ADRB3: variants seen among roughly 807,000 people sequenced by gnomAD.
The protein encoded by ADRB3 is adrenoceptor beta 3, also known as beta-3 adrenergic receptor.
ADRB3 carries 33 observed loss-of-function variants against 23.8 expected under a neutral mutation model. The observed-to-expected ratio is 1.38, with a 90% CI of 1.05 to 1.85. The LOEUF (loss-of-function observed/expected upper bound fraction) is 1.85, where lower values mean the gene tolerates loss of function less well. Ranked by LOEUF, ADRB3 falls within the 40% of genes most tolerant of loss-of-function variation. The pLI, the probability that ADRB3 is intolerant of heterozygous loss-of-function variation, is 0.00. For missense variants in ADRB3, 600 were observed against 579.6 expected, an observed-to-expected ratio of 1.04 and a Z score of -0.36; for synonymous variants, 289 against 273.0, an observed-to-expected ratio of 1.06 and a Z score of -0.58.
intron 1 of ADRB3, 148 bp downstream of exon 1, chr8:37,965,117 T>G: frequency 1.3e-6 from 1 of 784,946 alleles, no homozygotes; most frequent in Non-Finnish European, 1.9e-6. Flanking sequence ...TGGGTCCCAT[T>G]TTGGTTCGCT....
chr8:37,965,515 C>A lies in ADRB3; in HGVS notation c.955G>T (p.Gly319Cys), dbSNP rs1229072259. The A allele has an allele frequency of 6.4e-7, 1 of 1,551,708 alleles. No individual in the cohort carries two copies. The highest frequency in any genetic ancestry group is 8.7e-7 in the Non-Finnish European group (1 of 1,147,318). ...GCCGGGCCCGGGACTAGAGAGGGGC[C>A]CCCCAGGGCGCGCAGCACGTTGGCC... ...FLANVLRALG[G>C]PSLVPGPAFL... Residue 319 changes from glycine to cysteine, a missense_variant, in exon 1 of 2, where the codon GGC (glycine) becomes TGC (cysteine). Physicochemically the swap from Gly to Cys is radical, Grantham distance 159. Coordinates refer to ENST00000345060, the MANE Select transcript of ADRB3 (RefSeq NM_000025.3).
chr8:37,966,503 G>A lies in ADRB3; in HGVS notation c.-34C>T, dbSNP rs199627519. ...CGCGCGTGGGGCGGTAGGGAAAGAA[G>A]GAAGGAGGGGGTCTCCCAAATCACC... On this transcript the variant is annotated 5_prime_UTR_variant, in exon 1 of 2. Transcript: ENST00000345060. 32 of 1,544,786 alleles carry A rather than the reference G, an allele frequency of 2.1e-5. 1 individual carries two copies. The highest frequency in any genetic ancestry group is 2.8e-5 in the Non-Finnish European group (32 of 1,151,012).
At position 37,964,127 on chromosome 8, in the gene ADRB3, C is replaced by G; in HGVS notation, c.*91G>C. On this transcript the variant is annotated 3_prime_UTR_variant, in exon 2 of 2. Coordinates refer to ENST00000345060, the MANE Select transcript of ADRB3 (RefSeq NM_000025.3). ...GGTTCTGGAGGGTAGAGTGTCACAGCCGGGGAATCCCATGGGACTCATTCT... is the reference window on the plus strand; with the variant it reads ...GGTTCTGGAGGGTAGAGTGTCACAGGCGGGGAATCCCATGGGACTCATTCT... The G allele has an allele frequency of 1.7e-6, 2 of 1,166,846 alleles. No individual in the cohort carries two copies. The highest frequency in any genetic ancestry group is 2.6e-6 in the Non-Finnish European group (2 of 783,334). The allele number at this position is 1,166,846 out of a possible 1,614,324, so 72.3% of individuals were successfully genotyped here. A position where few individuals can be genotyped will look rare whatever the true frequency, so the allele number is the denominator to read the frequency against.
In ADRB3 at chr8:37,966,147, G is replaced by C. The variant is rs1244043280; in HGVS notation, c.323C>G (p.Thr108Ser). 1.9e-6 allele frequency: 3 copies of C among 1,610,830 alleles called. No homozygotes were observed. Among genetic ancestry groups the C allele is most frequent in the Non-Finnish European group, 2.5e-6 (3 of 1,178,858 alleles). Residue 108 changes from threonine to serine, a missense_variant, in exon 1 of 2, where the codon ACT (threonine) becomes AGT (serine). By Grantham distance (58) the Thr-to-Ser change is moderately conservative. Transcript: ENST00000345060. ...ALTGHWPLGA[T>S]GCELWTSVDV... Reference sequence around the variant, plus strand: ...CACCGAGGTCCACAGCTCGCAGCCAGTGGCGCCCAACGGCCAGTGGCCAGT... The same window carrying C: ...CACCGAGGTCCACAGCTCGCAGCCACTGGCGCCCAACGGCCAGTGGCCAGT...
Position 37,965,728 on chromosome 8 carries a change from C to G in ADRB3, c.742G>C (p.Glu248Gln), listed in dbSNP as rs72549191. Residue 248 changes from glutamate to glutamine, a missense_variant, in exon 1 of 2, where the codon GAG (glutamate) becomes CAG (glutamine). Coordinates refer to ENST00000345060, the MANE Select transcript of ADRB3 (RefSeq NM_000025.3). ...CGCGACGGCGCCGGCGGAGACTCCT[C>G]GGGCGGAAAGCGGCCCAGCTCCCCG... ...LRGELGRFPP[E>Q]ESPPAPSRSL... 9.0e-5 allele frequency: 140 copies of G among 1,549,418 alleles called. 1 individual carries two copies. The South Asian group carries it at 1.6e-3, about 18-fold the overall frequency.
In ADRB3 at chr8:37,964,147, C is replaced by T; in HGVS notation, c.*71G>A. 1 of 1,361,890 alleles carries T rather than the reference C, an allele frequency of 7.3e-7. No individual in the cohort carries two copies. Among genetic ancestry groups the T allele is most frequent in the Admixed American group, 1.7e-5 (1 of 58,846 alleles). The allele number at this position is 1,361,890 out of a possible 1,614,324, so 84.4% of individuals were successfully genotyped here. ...CACAGCCGGGGAATCCCATGGGACT[C>T]ATTCTGAACAGAGGCCAGAGGTTTT... On this transcript the variant is annotated 3_prime_UTR_variant, in exon 2 of 2. Coordinates refer to ENST00000345060, the MANE Select transcript of ADRB3 (RefSeq NM_000025.3).
Position 37,964,243 on chromosome 8 carries a change from G to T in ADRB3, c.1206-4C>A, listed in dbSNP as rs1350025651. 2.5e-6 allele frequency: 4 copies of T among 1,612,768 alleles called. No individual in the cohort carries two copies. The highest frequency in any genetic ancestry group is 3.4e-6 in the Non-Finnish European group (4 of 1,179,284). ...CTAAGAAACTCCCCAAGAAGCCCTG[G>T]GAAAAAAAGTGGAGATAATAGACCC... On this transcript the variant is annotated splice_polypyrimidine_tract_variant and splice_region_variant and intron_variant, in intron 1 of 1. Coordinates refer to ENST00000345060, the MANE Select transcript of ADRB3 (RefSeq NM_000025.3).
chr8:37,965,143 T>A (rs1321137614), intron 1 of ADRB3, 122 bp downstream of exon 1: 2 of 1,072,306 alleles, frequency 1.9e-6, no homozygotes, highest in African/African-American at 1.7e-5. Flanking sequence ...TCGTTCCCTT[T>A]TCTCTCCAAG....
rs1808245180 is a variant in ADRB3, at chr8:37,963,747, G to T, written c.*471C>A. 6.3e-6 allele frequency: 1 copy of T among 159,790 alleles called. No individual in the cohort carries two copies. Among genetic ancestry groups the T allele is most frequent in the South Asian group, 1.8e-4 (1 of 5,438 alleles). 9.9% of individuals were successfully genotyped at this position (159,790 alleles called of 1,614,324 possible). ...TGAGAGAGGCCACTGCTTGAGAGCA[G>T]TAATAAGGGAACCAGAGATAAAACC... On this transcript the variant is annotated 3_prime_UTR_variant, in exon 2 of 2. Coordinates refer to ENST00000345060, the MANE Select transcript of ADRB3 (RefSeq NM_000025.3).
In ADRB3 at chr8:37,964,345, A is replaced by T. The variant is rs551668987; in HGVS notation, c.1206-106T>A. 9 of 1,026,870 alleles carry T rather than the reference A, an allele frequency of 8.8e-6. No individual in the cohort carries two copies. The African/African-American group carries it at 1.1e-4, about 13-fold the overall frequency. The allele number at this position is 1,026,870 out of a possible 1,614,324, so 63.6% of individuals were successfully genotyped here. Reference sequence around the variant, plus strand: ...CCCTGGAACGCATATTTAGTTACACAAAAACGCCAGGGCACCACCCAGCCA... The same window carrying T: ...CCCTGGAACGCATATTTAGTTACACTAAAACGCCAGGGCACCACCCAGCCA... On this transcript the variant is annotated intron_variant, in intron 1 of 1. Coordinates refer to ENST00000345060, the MANE Select transcript of ADRB3 (RefSeq NM_000025.3).
intron 1 of ADRB3, among the ~76,000 whole-genome samples, chr8:37,964,685 G>A (rs1003452936): frequency 7.2e-5 from 11 of 152,310 alleles, no homozygotes. Flanking sequence ...TAATCCTAAT[G>A]CTTTGGAAGG....
Position 37,965,944 on chromosome 8 carries a change from G to A in ADRB3, c.526C>T (p.Gln176Ter). 2 of 1,556,796 alleles carry A rather than the reference G, an allele frequency of 1.3e-6. No individual in the cohort carries two copies. Among genetic ancestry groups the A allele is most frequent in the Non-Finnish European group, 1.7e-6 (2 of 1,150,000 alleles). Residue 176 changes from glutamine (Q) to a stop codon, truncating the protein, a stop_gained, in exon 1 of 2, where the codon CAG (glutamine) becomes TAG (stop). Coordinates refer to ENST00000345060, the MANE Select transcript of ADRB3 (RefSeq NM_000025.3). LOFTEE classifies it high-confidence loss of function. ...AAVSFAPIMS[Q>*]WWRVGADAEA... ...GCGTCGGCCCCTACGCGCCACCACT[G>A]GCTCATGATGGGCGCAAACGACACC...
chr8:37,966,087 A>G lies in ADRB3; in HGVS notation c.383T>C (p.Leu128Pro). 6.2e-7 allele frequency: 1 copy of G among 1,610,620 alleles called. No individual in the cohort carries two copies. Among genetic ancestry groups the G allele is most frequent in the Non-Finnish European group, 8.5e-7 (1 of 1,178,540 alleles). ...VLCVTASIET[L>P]CALAVDRYLA... ...GTAGCGGTCCACGGCCAGGGCGCAC[A>G]GGGTTTCGATGCTGGCGGTCACACA... Residue 128 changes from leucine to proline, a missense_variant, in exon 1 of 2, where the codon CTG becomes CCG. Coordinates refer to ENST00000345060, the MANE Select transcript of ADRB3 (RefSeq NM_000025.3).
Position 37,965,403 on chromosome 8 carries a change from A to T in ADRB3, c.1067T>A (p.Phe356Tyr). Residue 356 changes from phenylalanine to tyrosine, a missense_variant, in exon 1 of 2, where the codon TTC (phenylalanine) becomes TAC (tyrosine). Transcript: ENST00000345060. ...YCRSPDFRSA[F>Y]RRLLCRCGRR... ...GCCGCAGCGGCACAGAAGACGGCGG[A>T]AGGCGCTGCGAAAGTCCGGGCTGCG... The T allele has an allele frequency of 3.9e-6, 6 of 1,548,438 alleles. No homozygotes were observed. The highest frequency in any genetic ancestry group is 5.2e-6 in the Non-Finnish European group (6 of 1,146,130).
Position 37,963,976 on chromosome 8 carries a change from C to G in ADRB3, c.*242G>C, listed in dbSNP as rs1808248670. The G allele has an allele frequency of 2.1e-6, 1 of 483,824 alleles. No individual in the cohort carries two copies. Among genetic ancestry groups the G allele is most frequent in the African/African-American group, 2.0e-5 (1 of 50,518 alleles). 30.0% of individuals were successfully genotyped at this position (483,824 alleles called of 1,614,324 possible). On this transcript the variant is annotated 3_prime_UTR_variant, in exon 2 of 2. Transcript: ENST00000345060. Reference sequence around the variant, plus strand: ...CCTGCTGCTCCACGGCACCTGGACACTACCACTGAGGGAGGAGTGAAGTTC... The same window carrying G: ...CCTGCTGCTCCACGGCACCTGGACAGTACCACTGAGGGAGGAGTGAAGTTC...
In ADRB3 at chr8:37,965,496, C is replaced by T. The variant is rs1421181400; in HGVS notation, c.974G>A (p.Gly325Asp). ...CCAGTTCAGGGCAAGGAAAGCCGGG[C>T]CCGGGACTAGAGAGGGGCCCCCCAG... ...RALGGPSLVP[G>D]PAFLALNWLG... The change falls in exon 1 of 2, where the codon GGC becomes GAC. Residue 325 changes from glycine to aspartate, a missense_variant. Transcript: ENST00000345060. The T allele has an allele frequency of 4.5e-6, 7 of 1,552,000 alleles. No individual in the cohort carries two copies. The highest frequency in any genetic ancestry group is 4.1e-5 in the African/African-American group (3 of 73,144).
In ADRB3 at chr8:37,966,504, G is replaced by A. The variant is rs1271852683; in HGVS notation, c.-35C>T. The A allele has an allele frequency of 6.5e-7, 1 of 1,544,936 alleles. No individual in the cohort carries two copies. Among genetic ancestry groups the A allele is most frequent in the East Asian group, 2.4e-5 (1 of 42,258 alleles). On this transcript the variant is annotated 5_prime_UTR_variant, in exon 1 of 2. Transcript: ENST00000345060. ...GCGCGTGGGGCGGTAGGGAAAGAAG[G>A]AAGGAGGGGGTCTCCCAAATCACCT...
Position 37,966,302 on chromosome 8 carries a change from C to G in ADRB3, c.168G>C (p.Leu56=), listed in dbSNP as rs1333099018. ...TCCAGGCGATGGCCACGATGACCAG[C>G]AGGTTGCCTCCCACGGTGGCCAGCA... The part of the protein sequence containing the change: ...LAVLATVGGN[L]LVIVAIAWTP... Residue 56 remains leucine (L), a synonymous_variant, in exon 1 of 2, where the codon CTG becomes CTC. Coordinates refer to ENST00000345060, the MANE Select transcript of ADRB3 (RefSeq NM_000025.3). The G allele has an allele frequency of 6.2e-7, 1 of 1,613,686 alleles. No homozygotes were observed. Among genetic ancestry groups the G allele is most frequent in the Non-Finnish European group, 8.5e-7 (1 of 1,179,802 alleles).
In ADRB3 at chr8:37,966,159, G is replaced by T. The variant is rs1289843904; in HGVS notation, c.311C>A (p.Pro104Gln). 1 of 1,609,376 alleles carries T rather than the reference G, an allele frequency of 6.2e-7. No individual in the cohort carries two copies. Among genetic ancestry groups the T allele is most frequent in the Non-Finnish European group, 8.5e-7 (1 of 1,178,464 alleles). Residue 104 changes from proline to glutamine, a missense_variant, in exon 1 of 2, where the codon CCG (proline) becomes CAG (glutamine). Pro to Gln is a moderately conservative substitution (Grantham distance 76, BLOSUM62 -1). Coordinates refer to ENST00000345060, the MANE Select transcript of ADRB3 (RefSeq NM_000025.3). The part of the protein sequence containing the change: ...AATLALTGHW[P>Q]LGATGCELWT... ...CAGCTCGCAGCCAGTGGCGCCCAAC[G>T]GCCAGTGGCCAGTCAGCGCCAAGGT...
Sources: allele counts gnomAD v4.1 joint callset (sites outside exome capture counted in the v4.1 genomes callset), GRCh38; gene constraint gnomAD v4.1.1; transcripts MANE v1.5; gene names NCBI Gene and HGNC (gene_info 2026-07-23, HGNC 2026-07-21).